The following VPS39 variants were observed in gnomAD, a reference collection of about 807,000 sequenced individuals.
VPS39 encodes the protein vam6/Vps39-like protein.
In VPS39, 70 loss-of-function variants were observed where a neutral mutation model predicts 121.0. The ratio of observed to expected loss-of-function variants is 0.58; its 90% CI spans 0.48 to 0.71. The LOEUF (loss-of-function observed/expected upper bound fraction) is 0.71. VPS39 is among the 30% of genes least tolerant of loss of function. The pLI is 0.00. For synonymous variants in VPS39, 378 were observed against 398.1 expected, an observed-to-expected ratio of 0.95 and a Z score of 0.60; for missense variants, 818 against 1,051.5, an observed-to-expected ratio of 0.78 and a Z score of 3.07.
At position 42,164,410 on chromosome 15, in the gene VPS39, C is replaced by A; in HGVS notation, c.1974G>T (p.Glu658Asp). ...GGCCTGGATCATAGTAGCTGGAAAT[C>A]TCCAAGAACATGAGGAGCTTTTGCC... Reference protein sequence around the residue: ...EYRQKLLMFLEISSYYDPGRL... With the variant: ...EYRQKLLMFLDISSYYDPGRL... The change falls in exon 19 of 25, where the codon GAG becomes GAT. Residue 658 changes from glutamate to aspartate, a missense_variant. Coordinates refer to ENST00000318006, the MANE Select transcript of VPS39 (RefSeq NM_015289.5). 1 of 1,614,194 alleles carries A rather than the reference C, an allele frequency of 6.2e-7. No individual in the cohort carries two copies. The highest frequency in any genetic ancestry group is 8.5e-7 in the Non-Finnish European group (1 of 1,180,010).
intron 10 of VPS39, among the ~76,000 whole-genome samples, chr15:42,175,340 G>A (rs113683918): frequency 0.069 from 10,490 of 151,648 alleles, 458 homozygotes; most frequent in South Asian, 0.18. Flanking sequence ...CCCGGGAGGC[G>A]GAGGTTGCAG....
chr15:42,162,608 G>T, intron 21 of VPS39, 127 bp from the exon 22 acceptor site: 1 of 1,125,672 alleles, frequency 8.9e-7, no homozygotes, highest in Non-Finnish European at 1.2e-6. Flanking sequence ...TGTAAAACTG[G>T]TCATTTTCAC....
chr15:42,178,775 G>A (rs1336298207), intron 8 of VPS39: 5 of 622,488 alleles, frequency 8.0e-6, no homozygotes. Context: ...GGTTGAGGTG[G>A]GAAGGTCACG....
intron 2 of VPS39, among the ~76,000 whole-genome samples, chr15:42,197,332 G>T (rs181051577): frequency 7.6e-6 from 1 of 131,068 alleles, no homozygotes; most frequent in Non-Finnish European, 1.7e-5. Context: ...TAATTAAAAA[G>T]AGTGGAAAAA....
chr15:42,189,270 C>A lies in VPS39; in HGVS notation c.248-62G>T, dbSNP rs957181834. The A allele has an allele frequency of 2.9e-5, 40 of 1,378,038 alleles. No individual in the cohort carries two copies. The South Asian group carries it at 4.5e-4, about 16-fold the overall frequency. 85.4% of individuals were successfully genotyped at this position (1,378,038 alleles called of 1,614,324 possible). A position where few individuals can be genotyped will look rare whatever the true frequency, so the allele number is the denominator to read the frequency against. On this transcript the variant is annotated intron_variant, in intron 4 of 24. Coordinates refer to ENST00000318006, the MANE Select transcript of VPS39 (RefSeq NM_015289.5). ...CATAATTCTCTAGCATAGCCACTAT[C>A]GAGGCAAAAAAAGTAACTGTGTTAA...
intron 8 of VPS39, among the ~76,000 whole-genome samples, chr15:42,181,185 T>A (rs1425837346): frequency 1.3e-5 from 2 of 152,232 alleles, no homozygotes; most frequent in Non-Finnish European, 2.9e-5. Flanking sequence ...ATTACTTTTT[T>A]AAGTAATTAT....
intron 4 of VPS39, among the ~76,000 whole-genome samples, chr15:42,190,714 A>AT (rs1251330815): frequency 6.6e-6 from 1 of 152,180 alleles, no homozygotes; most frequent in African/African-American, 2.4e-5. Flanking sequence ...AGTCCCTCCC[A>AT]TTACCAAGAT....
chr15:42,172,384 G>A (rs553505604), intron 11 of VPS39, among the ~76,000 whole-genome samples: 3 of 152,286 alleles, frequency 2.0e-5, no homozygotes, highest in East Asian at 1.9e-4. Flanking sequence ...TTCTAGCCCC[G>A]ATTTCAAATG....
chr15:42,172,145 T>C (rs1311291694), intron 11 of VPS39, among the ~76,000 whole-genome samples: 1 of 152,222 alleles, frequency 6.6e-6, no homozygotes, highest in Non-Finnish European at 1.5e-5. Context: ...GCCTTGAACC[T>C]GGCAGGACCC....
Position 42,173,969 on chromosome 15 carries a change from C to T in VPS39, c.961-117G>A, listed in dbSNP as rs139902942. 104 of 1,256,932 alleles carry T rather than the reference C, an allele frequency of 8.3e-5. No individual in the cohort carries two copies. The African/African-American group carries it at 1.3e-3, about 16-fold the overall frequency. The allele number at this position is 1,256,932 out of a possible 1,614,324, so 77.9% of individuals were successfully genotyped here. A position where few individuals can be genotyped will look rare whatever the true frequency, so the allele number is the denominator to read the frequency against. ...GACACCAAAGTGTACAAGACAAGGC[C>T]GGGCGCGGTGCCTCACGCTTGTAAT... On this transcript the variant is annotated intron_variant, in intron 10 of 24. Transcript: ENST00000318006.
In VPS39 at chr15:42,189,183, T is replaced by C. The variant is rs1220385693; in HGVS notation, c.273A>G (p.Leu91=). 8.7e-6 allele frequency: 14 copies of C among 1,613,612 alleles called. No homozygotes were observed. The highest frequency in any genetic ancestry group is 1.7e-5 in the Admixed American group (1 of 59,988). The change falls in exon 5 of 25, where the codon CTA becomes CTG. Residue 91 remains leucine, a synonymous_variant. Transcript: ENST00000318006. ...LLENNIYVHD[L]LTFQQITTVS... is the part of the protein sequence containing the mutation. ...CCGTAGTGATTTGTTGAAATGTCAA[T>C]AGGTCATGGACATAAATGTTATTTT...
rs144218872 is a variant in VPS39, at chr15:42,168,151, G to A, written c.1234-614C>T. On this transcript the variant is annotated intron_variant, in intron 12 of 24. Coordinates refer to ENST00000318006, the MANE Select transcript of VPS39 (RefSeq NM_015289.5). ...TCCAGTATGTATTCTCTTGAGTCTGGCAGAGCCCATGGTCTTGCTCTGCCA... is the reference window on the plus strand; with the variant it reads ...TCCAGTATGTATTCTCTTGAGTCTGACAGAGCCCATGGTCTTGCTCTGCCA... Among the ~76,000 whole-genome samples, 9 of 152,248 alleles carry A rather than the reference G, an allele frequency of 5.9e-5. No individual in the cohort carries two copies. The East Asian group carries it at 1.7e-3, about 29-fold the overall frequency.
intron 1 of VPS39, among the ~76,000 whole-genome samples, chr15:42,207,563 G>A (rs1280903408): frequency 6.6e-6 from 1 of 152,140 alleles, no homozygotes; most frequent in East Asian, 1.9e-4. Context: ...AGATTCAAAG[G>A]TTAGCTAACT....
At position 42,159,834 on chromosome 15, in the gene VPS39, C is replaced by G. The variant is rs1039985047; in HGVS notation, c.*920G>C. 45 of 152,476 alleles carry G rather than the reference C, an allele frequency of 3.0e-4. No homozygotes were observed. The highest frequency in any genetic ancestry group is 3.4e-3 in the Middle Eastern group (1 of 294). 9.4% of individuals were successfully genotyped at this position (152,476 alleles called of 1,614,324 possible). A position where few individuals can be genotyped will look rare whatever the true frequency, so the allele number is the denominator to read the frequency against. On this transcript the variant is annotated 3_prime_UTR_variant, in exon 25 of 25. Coordinates refer to ENST00000318006, the MANE Select transcript of VPS39 (RefSeq NM_015289.5). ...TCGCCACGCACAAAGACTAAGCCAG[C>G]CTGCCTGAGTGTCTGGTGAGCGAAG...
In VPS39 at chr15:42,162,429, A is replaced by C; in HGVS notation, c.2228T>G (p.Leu743Arg). 1 of 1,613,414 alleles carries C rather than the reference A, an allele frequency of 6.2e-7. No homozygotes were observed. The highest frequency in any genetic ancestry group is 8.5e-7 in the Non-Finnish European group (1 of 1,179,610). Residue 743 changes from leucine (L) to arginine (R), a missense_variant, in exon 22 of 25, where the codon CTG becomes CGG. Coordinates refer to ENST00000318006, the MANE Select transcript of VPS39 (RefSeq NM_015289.5). ...CAGTAGTTCCAGCTTGATTGGCCCC[A>C]GGCAGTGAATGCTGGGGGGCGACAG... The part of the protein sequence containing the change: ...MYLSPPSIHC[L>R]GPIKLELLEP...
chr15:42,162,248 G>A (rs970284785), intron 22 of VPS39, 82 bp from the exon 23 acceptor site: 1 of 1,604,734 alleles, frequency 6.2e-7, no homozygotes, highest in African/African-American at 1.3e-5. Flanking sequence ...TGGAGCTCTT[G>A]GACCCTAGTC....
At position 42,162,341 on chromosome 15, in the gene VPS39, G is replaced by A; in HGVS notation, c.2316C>T (p.Asp772=). The A allele has an allele frequency of 6.2e-7, 1 of 1,611,160 alleles. No homozygotes were observed. Among genetic ancestry groups the A allele is most frequent in the Non-Finnish European group, 8.5e-7 (1 of 1,178,198 alleles). ...QVLELHHSKL[D]TTKALNLLPA... is the part of the protein sequence containing the mutation. ...AGGAACAACTCCTGACCTTGGTGGT[G>A]TCCAGTTTGCTGTGGTGTAGCTCGA... Residue 772 remains aspartate (D), a synonymous_variant, in exon 22 of 25, where the codon GAC becomes GAT. Coordinates refer to ENST00000318006, the MANE Select transcript of VPS39 (RefSeq NM_015289.5).
intron 8 of VPS39, chr15:42,184,184 G>A (rs2049651811): frequency 5.9e-6 from 1 of 169,246 alleles, no homozygotes; most frequent in Non-Finnish European, 1.2e-5. Flanking sequence ...ATTTCCAAAT[G>A]TAGTCTATTT....
At chr15:42,161,639 C>T in intron 24 of VPS39, 43 bp downstream of exon 24, 1 of 1,600,208 alleles carries the variant, frequency 6.2e-7, no homozygotes. Flanking sequence ...CCCTGGGAAC[C>T]TCCACAAAGC....
Sources: gnomAD v4.1 joint callset for allele counts (sites outside exome capture counted in the v4.1 genomes callset) on GRCh38, gnomAD v4.1.1 for gene constraint, MANE v1.5 for transcripts, NCBI Gene and HGNC (gene_info 2026-07-23, HGNC 2026-07-21) for gene names.